Variants in RBM15 observed in about 807,000 individuals in gnomAD.
RBM15 encodes RNA-binding protein 15.
In RBM15, 8 loss-of-function variants were observed where a neutral mutation model predicts 62.6. The ratio of observed to expected loss-of-function variants is 0.13; its 90% CI spans 0.07 to 0.23. RBM15 has a LOEUF of 0.23. Ranked by LOEUF, RBM15 falls within the 10% of genes least tolerant of loss-of-function variation. RBM15 has a pLI of 1.00. For missense variants in RBM15, 1,144 were observed against 1,286.5 expected, an observed-to-expected ratio of 0.89 and a Z score of 1.69; for synonymous variants, 606 against 505.7, an observed-to-expected ratio of 1.20 and a Z score of -2.66.
Position 110,340,257 on chromosome 1 carries a change from T to G in RBM15, c.852T>G (p.Pro284=), listed in dbSNP as rs772716031. The G allele has an allele frequency of 6.2e-7, 1 of 1,614,210 alleles. No homozygotes were observed. Among genetic ancestry groups the G allele is most frequent in the Admixed American group, 1.7e-5 (1 of 60,034 alleles). Residue 284 remains proline, a synonymous_variant, in exon 1 of 3, where the codon CCT becomes CCG. Coordinates refer to ENST00000369784, the MANE Select transcript of RBM15 (RefSeq NM_022768.5). This position sits in a 1 kb window ranked among gnomAD's most constrained non-coding sequence, Gnocchi z 5.8. ...GASVGGHRHP[P]GGGGGQRSLS... is the part of the protein sequence containing the mutation. ...CTGTAGGTGGTCACCGGCACCCCCC[T>G]GGAGGTGGTGGAGGCCAGAGATCAC...
chr1:110,343,474 A>G (rs1660842083), intron 1 of RBM15, among the ~76,000 whole-genome samples: 1 of 151,602 alleles, frequency 6.6e-6, no homozygotes, highest in East Asian at 1.9e-4. Context: ...TTATTTTCCC[A>G]GACACCCGGA....
chr1:110,341,513 G>T lies in RBM15; in HGVS notation c.2108G>T (p.Arg703Ile). 1 of 1,614,102 alleles carries T rather than the reference G, an allele frequency of 6.2e-7. No homozygotes were observed. Among genetic ancestry groups the T allele is most frequent in the South Asian group, 1.1e-5 (1 of 91,088 alleles). Residue 703 changes from arginine to isoleucine, a missense_variant, in exon 1 of 3, where the codon AGA becomes ATA. Physicochemically the swap from Arg to Ile is moderately conservative, Grantham distance 97. Coordinates refer to ENST00000369784, the MANE Select transcript of RBM15 (RefSeq NM_022768.5). The surrounding 1 kb of genome is among the most constrained non-coding windows in gnomAD (Gnocchi z 4.5). Reference sequence around the variant, plus strand: ...CTCTTGGAAAGGCCCTCTCCAATCAGAGACAGACGAGGTAGTTTGGAGAAG... The same window carrying T: ...CTCTTGGAAAGGCCCTCTCCAATCATAGACAGACGAGGTAGTTTGGAGAAG... ...RLLLERPSPI[R>I]DRRGSLEKSQ... is the part of the protein sequence containing the mutation.
rs1172672618 is a variant in RBM15, at chr1:110,339,568, G to A, written c.163G>A (p.Ala55Thr). 2.5e-6 allele frequency: 4 copies of A among 1,605,472 alleles called. No individual in the cohort carries two copies. The South Asian group carries it at 3.3e-5, about 13-fold the overall frequency. The change falls in exon 1 of 3, where the codon GCC becomes ACC. Residue 55 changes from alanine (A) to threonine (T), a missense_variant. Ala to Thr is a moderately conservative substitution (Grantham distance 58). Around this residue, in one of 8 missense-constraint regions of RBM15, gnomAD observed 298 missense variants for 250.0 expected, o/e 1.19. Transcript: ENST00000369784. ...MKGKERSPVK[A>T]KRSRGGEDST... ...GGGAAAAGAGCGCTCGCCAGTGAAG[G>A]CCAAACGCTCCCGTGGTGGTGAGGA...
Position 110,339,593 on chromosome 1 carries a change from A to C in RBM15, c.188A>C (p.Asp63Ala). 6.2e-7 allele frequency: 1 copy of C among 1,609,040 alleles called. No homozygotes were observed. Among genetic ancestry groups the C allele is most frequent in the South Asian group, 1.1e-5 (1 of 90,926 alleles). ...GCCAAACGCTCCCGTGGTGGTGAGG[A>C]CTCGACTTCCCGCGGTGAGCGGAGC... Reference protein sequence around the residue: ...VKAKRSRGGEDSTSRGERSKK... With the variant: ...VKAKRSRGGEASTSRGERSKK... Residue 63 changes from aspartate (D) to alanine (A), a missense_variant, in exon 1 of 3, where the codon GAC (aspartate) becomes GCC (alanine). Physicochemically the swap from Asp to Ala is moderately radical, Grantham distance 126. This residue lies in a region of RBM15 where 298 missense variants were observed against 250.0 expected (regional missense o/e 1.19). Transcript: ENST00000369784.
In RBM15 at chr1:110,346,368, A is replaced by C; in HGVS notation, c.*101A>C. On this transcript the variant is annotated 3_prime_UTR_variant, in exon 3 of 3. Coordinates refer to ENST00000369784, the MANE Select transcript of RBM15 (RefSeq NM_022768.5). ...TCAAAGCTCTAATGGACCTTTTTGA[A>C]GAGAAGTTGTGGCTTATGTGGAGTT... The C allele has an allele frequency of 1.9e-6, 3 of 1,597,186 alleles. No homozygotes were observed. Among genetic ancestry groups the C allele is most frequent in the Non-Finnish European group, 2.5e-6 (3 of 1,178,722 alleles).
At position 110,341,372 on chromosome 1, in the gene RBM15, C is replaced by A; in HGVS notation, c.1967C>A (p.Ser656Tyr). 6.2e-7 allele frequency: 1 copy of A among 1,614,090 alleles called. No individual in the cohort carries two copies. Among genetic ancestry groups the A allele is most frequent in the South Asian group, 1.1e-5 (1 of 91,082 alleles). Residue 656 changes from serine (S) to tyrosine (Y), a missense_variant, in exon 1 of 3, where the codon TCT becomes TAT. Transcript: ENST00000369784. The surrounding 1 kb of genome is among the most constrained non-coding windows in gnomAD (Gnocchi z 4.5). ...AGTGGAGGACGTCATCTGGATAGGT[C>A]TCCTGAGAGTGACCGCCCACGAAAA... ...EESGGRHLDRSPESDRPRKRH... is the reference protein window; with the variant it reads ...EESGGRHLDRYPESDRPRKRH...
In RBM15 at chr1:110,340,110, A is replaced by G. The variant is rs148119227; in HGVS notation, c.705A>G (p.Arg235=). The change falls in exon 1 of 3, where the codon AGA becomes AGG. Residue 235 remains arginine (R), a synonymous_variant. Coordinates refer to ENST00000369784, the MANE Select transcript of RBM15 (RefSeq NM_022768.5). The surrounding 1 kb of genome is among the most constrained non-coding windows in gnomAD (Gnocchi z 5.8). Reference sequence around the variant, plus strand: ...ACGCGCGGGCGGCCAAGCATGCCAGAGGCCGCCTGGTGCTCTATGACCGGC... The same window carrying G: ...ACGCGCGGGCGGCCAAGCATGCCAGGGGCCGCCTGGTGCTCTATGACCGGC... The part of the protein sequence containing the change: ...PEDARAAKHA[R]GRLVLYDRPL... 1.8e-4 allele frequency: 289 copies of G among 1,613,798 alleles called. 1 individual carries two copies. The highest frequency in any genetic ancestry group is 2.1e-4 in the Non-Finnish European group (252 of 1,179,936).
In RBM15 at chr1:110,341,172, C is replaced by T. The variant is rs1159782145; in HGVS notation, c.1767C>T (p.Pro589=). ...ATCCTGACTCTGATTGGGTGCCACC[C>T]CCACCCCCAGTCCGAGAACGCAGCA... The part of the protein sequence containing the change: ...DLYPDSDWVP[P]PPPVRERSTR... The change falls in exon 1 of 3, where the codon CCC becomes CCT. Residue 589 remains proline, a synonymous_variant. Coordinates refer to ENST00000369784, the MANE Select transcript of RBM15 (RefSeq NM_022768.5). This position sits in a 1 kb window ranked among gnomAD's most constrained non-coding sequence, Gnocchi z 4.5. 1.9e-6 allele frequency: 3 copies of T among 1,614,068 alleles called. No homozygotes were observed. The highest frequency in any genetic ancestry group is 1.7e-6 in the Non-Finnish European group (2 of 1,179,968).
chr1:110,340,212 A>G lies in RBM15; in HGVS notation c.807A>G (p.Ser269=). Residue 269 remains serine (S), a synonymous_variant, in exon 1 of 3, where the codon TCA becomes TCG. Transcript: ENST00000369784. The surrounding 1 kb of genome is among the most constrained non-coding windows in gnomAD (Gnocchi z 5.8). ...TAGACAAAGATACTTATCCTCCATC[A>G]GCCAGTGTGGTCGGGGCCTCTGTAG... ...SPLDKDTYPP[S]ASVVGASVGG... 6.2e-7 allele frequency: 1 copy of G among 1,614,138 alleles called. No homozygotes were observed. The highest frequency in any genetic ancestry group is 8.5e-7 in the Non-Finnish European group (1 of 1,179,994).
chr1:110,345,566 A>T lies in RBM15; in HGVS notation c.2891A>T (p.Tyr964Phe), dbSNP rs1660880710. ...TTTGGTTTTCAGATAGGAGTTAGGT[A>T]TGAGAACAAGAAGAGAGAAAACTTG... ...RGFGFQIGVR[Y>F]ENKKRENLAL... is the part of the protein sequence containing the mutation. Residue 964 changes from tyrosine (Y) to phenylalanine (F), a missense_variant, in exon 2 of 3, where the codon TAT becomes TTT. Physicochemically the swap from Tyr to Phe is conservative, Grantham distance 22 (BLOSUM62 3). Coordinates refer to ENST00000369784, the MANE Select transcript of RBM15 (RefSeq NM_022768.5). The T allele has an allele frequency of 6.2e-7, 1 of 1,611,798 alleles. No individual in the cohort carries two copies. The highest frequency in any genetic ancestry group is 1.3e-5 in the African/African-American group (1 of 74,762).
At chr1:110,343,209 A>G (rs1660836646) in intron 1 of RBM15, among the ~76,000 whole-genome samples, 1 of 152,214 alleles carries the variant, frequency 6.6e-6, no homozygotes, top group Non-Finnish European at 1.5e-5. Context: ...CTGCAGGCTC[A>G]TAGTCATCTT....
rs1162020967 is a variant in RBM15, at chr1:110,340,308, A to G, written c.903A>G (p.Gly301=). 4 of 1,614,052 alleles carry G rather than the reference A, an allele frequency of 2.5e-6. No individual in the cohort carries two copies. The highest frequency in any genetic ancestry group is 3.4e-6 in the Non-Finnish European group (4 of 1,180,020). The change falls in exon 1 of 3, where the codon GGA becomes GGG. Residue 301 remains glycine, a synonymous_variant. Transcript: ENST00000369784. This position sits in a 1 kb window ranked among gnomAD's most constrained non-coding sequence, Gnocchi z 5.8. Reference sequence around the variant, plus strand: ...TTTCCCCTGGTGGCGCTGCTTTGGGATACAGAGACTACCGGCTGCAGCAGT... The same window carrying G: ...TTTCCCCTGGTGGCGCTGCTTTGGGGTACAGAGACTACCGGCTGCAGCAGT... ...RSLSPGGAAL[G]YRDYRLQQLA...
Position 110,340,245 on chromosome 1 carries a change from C to T in RBM15, c.840C>T (p.His280=). 6.2e-7 allele frequency: 1 copy of T among 1,614,094 alleles called. No homozygotes were observed. Residue 280 remains histidine, a synonymous_variant, in exon 1 of 3, where the codon CAC becomes CAT. Transcript: ENST00000369784. The surrounding 1 kb of genome is among the most constrained non-coding windows in gnomAD (Gnocchi z 5.8). ...TGGTCGGGGCCTCTGTAGGTGGTCA[C>T]CGGCACCCCCCTGGAGGTGGTGGAG... is the stretch of plus-strand genomic sequence containing the variant. ...ASVVGASVGG[H]RHPPGGGGGQ...
At position 110,341,207 on chromosome 1, in the gene RBM15, C is replaced by T. The variant is rs1239091403; in HGVS notation, c.1802C>T (p.Ala601Val). The T allele has an allele frequency of 6.2e-7, 1 of 1,614,008 alleles. No individual in the cohort carries two copies. The highest frequency in any genetic ancestry group is 8.5e-7 in the Non-Finnish European group (1 of 1,180,044). ...GTCCGAGAACGCAGCACTCGGACTG[C>T]AGCTACTTCTGTGCCTGCTTACGAG... ...PPVRERSTRTAATSVPAYEPL... is the reference protein window; with the variant it reads ...PPVRERSTRTVATSVPAYEPL... The change falls in exon 1 of 3, where the codon GCA becomes GTA. Residue 601 changes from alanine to valine, a missense_variant. By Grantham distance (64) the Ala-to-Val change is moderately conservative (BLOSUM62 0). This residue lies in a region of RBM15 where 360 missense variants were observed against 342.9 expected (regional missense o/e 1.05). Transcript: ENST00000369784. The surrounding 1 kb of genome is among the most constrained non-coding windows in gnomAD (Gnocchi z 4.5).
chr1:110,340,034 C>G lies in RBM15; in HGVS notation c.629C>G (p.Ser210Cys), dbSNP rs759448649. The G allele has an allele frequency of 1.9e-6, 3 of 1,614,090 alleles. No homozygotes were observed. The highest frequency in any genetic ancestry group is 2.5e-6 in the Non-Finnish European group (3 of 1,180,034). The change falls in exon 1 of 3, where the codon TCT becomes TGT. Residue 210 changes from serine to cysteine, a missense_variant. This residue lies in a region of RBM15 where 188 missense variants were observed against 185.6 expected (regional missense o/e 1.01). Transcript: ENST00000369784. This position sits in a 1 kb window ranked among gnomAD's most constrained non-coding sequence, Gnocchi z 5.8. ...GTGAAAATCAGTCATCTGTCGGGTT[C>G]TGGCAGCGGGGATGAGCGGGTAGCC... ...VSVKISHLSG[S>C]GSGDERVAFV... is the part of the protein sequence containing the mutation.
Position 110,339,931 on chromosome 1 carries a change from G to C in RBM15, c.526G>C (p.Glu176Gln), listed in dbSNP as rs1660755645. 2 of 1,613,740 alleles carry C rather than the reference G, an allele frequency of 1.2e-6. No individual in the cohort carries two copies. Among genetic ancestry groups the C allele is most frequent in the South Asian group, 1.1e-5 (1 of 91,082 alleles). Residue 176 changes from glutamate (E) to glutamine (Q), a missense_variant, in exon 1 of 3, where the codon GAG becomes CAG. Glu to Gln is a conservative substitution (Grantham distance 29, BLOSUM62 2). Around this residue, in one of 8 missense-constraint regions of RBM15, gnomAD observed 15 missense variants for 35.0 expected, o/e 0.43. Transcript: ENST00000369784. ...GAEYKTLKIS[E>Q]LGSQLSDEAV... ...GGAATACAAGACTCTGAAGATAAGC[G>C]AGTTGGGGTCCCAGCTTAGTGACGA...
Position 110,340,248 on chromosome 1 carries a change from G to C in RBM15, c.843G>C (p.Arg281=). The change falls in exon 1 of 3, where the codon CGG becomes CGC. Residue 281 remains arginine, a synonymous_variant. Coordinates refer to ENST00000369784, the MANE Select transcript of RBM15 (RefSeq NM_022768.5). The surrounding 1 kb of genome is among the most constrained non-coding windows in gnomAD (Gnocchi z 5.8). ...TCGGGGCCTCTGTAGGTGGTCACCG[G>C]CACCCCCCTGGAGGTGGTGGAGGCC... The part of the protein sequence containing the change: ...SVVGASVGGH[R]HPPGGGGGQR... The C allele has an allele frequency of 6.2e-7, 1 of 1,614,206 alleles. No individual in the cohort carries two copies. The highest frequency in any genetic ancestry group is 8.5e-7 in the Non-Finnish European group (1 of 1,180,042).
At chr1:110,342,468 T>C in intron 1 of RBM15, 200 bp downstream of exon 1, 1 of 454,628 alleles carries the variant, frequency 2.2e-6, no homozygotes, top group Non-Finnish European at 3.8e-6. Flanking sequence ...TTAGCTATTA[T>C]TTTAAGTGAA....
rs745709698 is a variant in RBM15, at chr1:110,340,210, T to C, written c.805T>C (p.Ser269Pro). 20 of 1,614,130 alleles carry C rather than the reference T, an allele frequency of 1.2e-5. No homozygotes were observed. The highest frequency in any genetic ancestry group is 1.7e-5 in the Admixed American group (1 of 60,026). The change falls in exon 1 of 3, where the codon TCA becomes CCA. Residue 269 changes from serine to proline, a missense_variant. Physicochemically the swap from Ser to Pro is moderately conservative, Grantham distance 74. Coordinates refer to ENST00000369784, the MANE Select transcript of RBM15 (RefSeq NM_022768.5). This position sits in a 1 kb window ranked among gnomAD's most constrained non-coding sequence, Gnocchi z 5.8. ...SPLDKDTYPP[S>P]ASVVGASVGG... is the part of the protein sequence containing the mutation. ...TTTAGACAAAGATACTTATCCTCCATCAGCCAGTGTGGTCGGGGCCTCTGT... is the reference window on the plus strand; with the variant it reads ...TTTAGACAAAGATACTTATCCTCCACCAGCCAGTGTGGTCGGGGCCTCTGT...
Sources: gnomAD v4.1 joint callset for allele counts (sites outside exome capture counted in the v4.1 genomes callset) on GRCh38, gnomAD v4.1.1 for gene constraint, gnomAD v4.1.1 regional missense constraint, Gnocchi (gnomAD v3.1) non-coding constraint, MANE v1.5 for transcripts, NCBI Gene and HGNC (gene_info 2026-07-23, HGNC 2026-07-21) for gene names.